PLSCR1: variants seen among roughly 807,000 people sequenced by gnomAD.
The protein encoded by PLSCR1 is PL scramblase 1.
A neutral mutation model predicts 37.8 loss-of-function variants in PLSCR1; 17 were observed. The observed-to-expected ratio is 0.45, with a 90% CI of 0.31 to 0.68. The LOEUF (loss-of-function observed/expected upper bound fraction) is 0.68. Among genes scored for constraint, PLSCR1 ranks in the 30% least tolerant of loss-of-function variants. The pLI, the probability that PLSCR1 is intolerant of heterozygous loss-of-function variation, is 0.06. For synonymous variants in PLSCR1, 116 were observed against 125.9 expected, an observed-to-expected ratio of 0.92 and a Z score of 0.53; for missense variants, 347 against 380.9, an observed-to-expected ratio of 0.91 and a Z score of 0.74.
chr3:146,525,606 T>A lies in PLSCR1; in HGVS notation c.354A>T (p.Glu118Asp). Residue 118 changes from glutamate to aspartate, a missense_variant and splice_region_variant, in exon 5 of 9, where the codon GAA (glutamate) becomes GAT (aspartate). Coordinates refer to ENST00000342435, the MANE Select transcript of PLSCR1 (RefSeq NM_021105.3). ...AGGATTAAAACAATGAATACATACC[T>A]TCCAGAAGTTCAATTTGCTGATGAA... ...ILIHQQIELL[E>D]VLTGFETNNK... 6.7e-7 allele frequency: 1 copy of A among 1,489,240 alleles called. No individual in the cohort carries two copies. The highest frequency in any genetic ancestry group is 9.3e-7 in the Non-Finnish European group (1 of 1,070,772). 92.3% of individuals were successfully genotyped at this position (1,489,240 alleles called of 1,614,324 possible).
At chr3:146,526,033 A>G (rs1403696434) in intron 4 of PLSCR1, among the ~76,000 whole-genome samples, 1 of 151,648 alleles carries the variant, frequency 6.6e-6, no homozygotes, top group Admixed American at 6.6e-5. Flanking sequence ...AATACAAAAA[A>G]TGAGCTGGGT....
intron 2 of PLSCR1, 103 bp downstream of exon 2, chr3:146,536,437 T>G: frequency 1.4e-6 from 1 of 702,062 alleles, no homozygotes; most frequent in Non-Finnish European, 2.6e-6. Context: ...AGAAAACAAA[T>G]TATACACTTT....
intron 7 of PLSCR1, among the ~76,000 whole-genome samples, 162 bp downstream of exon 7, chr3:146,521,382 G>A (rs1385504115): frequency 2.0e-5 from 3 of 152,068 alleles, no homozygotes; most frequent in African/African-American, 7.2e-5. Flanking sequence ...TTTAATCAGA[G>A]TGATAACTAC....
chr3:146,521,881 C>G lies in PLSCR1; in HGVS notation c.528G>C (p.Glu176Asp). The G allele has an allele frequency of 6.2e-7, 1 of 1,614,032 alleles. No homozygotes were observed. Among genetic ancestry groups the G allele is most frequent in the Non-Finnish European group, 8.5e-7 (1 of 1,179,916 alleles). Reference sequence around the variant, plus strand: ...AACAGCTGCTACATCTTAGTGGTCTCTCCAGAGTTATGACTTCTTGACCCA... The same window carrying G: ...AACAGCTGCTACATCTTAGTGGTCTGTCCAGAGTTATGACTTCTTGACCCA... ...DNMGQEVITL[E>D]RPLRCSSCCC... Residue 176 changes from glutamate to aspartate, a missense_variant, in exon 6 of 9, where the codon GAG (glutamate) becomes GAC (aspartate). Glu to Asp is a conservative substitution (Grantham distance 45). Coordinates refer to ENST00000342435, the MANE Select transcript of PLSCR1 (RefSeq NM_021105.3).
Position 146,528,784 on chromosome 3 carries a change from G to A in PLSCR1, c.142C>T (p.Pro48Ser), listed in dbSNP as rs529731330. ...GYPGPQVSYPPPPAGHSGPGP... is the reference protein window; with the variant it reads ...GYPGPQVSYPSPPAGHSGPGP... ...GGACCTGAATGGCCGGCTGGTGGGG[G>A]TGGGTAGCTGACCTGGGGCCCAGGG... is the stretch of plus-strand genomic sequence containing the variant. The change falls in exon 4 of 9, where the codon CCC becomes TCC. Residue 48 changes from proline to serine, a missense_variant. Physicochemically the swap from Pro to Ser is moderately conservative, Grantham distance 74. Coordinates refer to ENST00000342435, the MANE Select transcript of PLSCR1 (RefSeq NM_021105.3). 2.2e-5 allele frequency: 36 copies of A among 1,614,034 alleles called. No homozygotes were observed. Among genetic ancestry groups the A allele is most frequent in the Non-Finnish European group, 2.7e-5 (32 of 1,180,012 alleles).
At chr3:146,544,327 C>T (rs897839798) in intron 1 of PLSCR1, 140 bp downstream of exon 1, 1 of 152,144 alleles carries the variant, frequency 6.6e-6, no homozygotes, top group South Asian at 2.1e-4. Context: ...CCCAGAGCAG[C>T]AAACACAACC....
chr3:146,524,131 A>G (rs2044072035), intron 5 of PLSCR1, among the ~76,000 whole-genome samples: 1 of 152,206 alleles, frequency 6.6e-6, no homozygotes, highest in African/African-American at 2.4e-5. Context: ...ATGAGAAAAA[A>G]GTTAAGCTGA....
intron 7 of PLSCR1, among the ~76,000 whole-genome samples, chr3:146,518,184 G>A (rs1481243205): frequency 6.6e-6 from 1 of 152,144 alleles, no homozygotes; most frequent in Non-Finnish European, 1.5e-5. Flanking sequence ...TTTGAACAAC[G>A]GGTGTTAGCA....
At chr3:146,521,514 A>C in intron 7 of PLSCR1, 30 bp downstream of exon 7, 1 of 1,588,418 alleles carries the variant, frequency 6.3e-7, no homozygotes. Context: ...TTAGGAAAGC[A>C]AATCTTATAA....
intron 2 of PLSCR1, among the ~76,000 whole-genome samples, chr3:146,534,664 C>T (rs1471186826): frequency 6.6e-6 from 1 of 151,902 alleles, no homozygotes; most frequent in Non-Finnish European, 1.5e-5. Context: ...AACCGCTCTC[C>T]TACTCGTTCA....
intron 1 of PLSCR1, among the ~76,000 whole-genome samples, chr3:146,544,259 G>A (rs1576803021): frequency 6.6e-6 from 1 of 152,202 alleles, no homozygotes; most frequent in East Asian, 1.9e-4. Flanking sequence ...CACTTCCAGG[G>A]TCCCTTTCAG....
At chr3:146,538,532 T>TCC (rs1426161983) in intron 1 of PLSCR1, among the ~76,000 whole-genome samples, 1 of 152,130 alleles carries the variant, frequency 6.6e-6, no homozygotes, top group Admixed American at 6.5e-5. Context: ...GATACCTCTC[T>TCC]ATAACATGCT....
chr3:146,528,628 C>T lies in PLSCR1; in HGVS notation c.298G>A (p.Glu100Lys). Residue 100 changes from glutamate to lysine, a missense_variant, in exon 4 of 9, where the codon GAA becomes AAA. Physicochemically the swap from Glu to Lys is moderately conservative, Grantham distance 56. Transcript: ENST00000342435. ...TTTGAAATTACCTGACTTAAATATTCTAATCCAGGTGGACAGTTTAATGGA... is the reference window on the plus strand; with the variant it reads ...TTTGAAATTACCTGACTTAAATATTTTAATCCAGGTGGACAGTTTAATGGA... ...QPPLNCPPGL[E>K]YLSQIDQILI... 6.2e-7 allele frequency: 1 copy of T among 1,612,320 alleles called. No individual in the cohort carries two copies. The highest frequency in any genetic ancestry group is 8.5e-7 in the Non-Finnish European group (1 of 1,178,326).
At chr3:146,538,279 T>A (rs2609866) in intron 1 of PLSCR1, among the ~76,000 whole-genome samples, 41,277 of 152,118 alleles carry the variant, frequency 0.27, 5,821 homozygotes, top group African/African-American at 0.32. Context: ...TTAGATTCCA[T>A]CATATGAAGA....
chr3:146,525,409 G>A (rs1681206476), intron 5 of PLSCR1, 196 bp downstream of exon 5: 1 of 512,506 alleles, frequency 2.0e-6, no homozygotes. Flanking sequence ...CCCGAGGGCA[G>A]GTGCCCAACA....
At chr3:146,544,344 C>A in intron 1 of PLSCR1, 123 bp downstream of exon 1, 1 of 152,708 alleles carries the variant, frequency 6.5e-6, no homozygotes, top group Non-Finnish European at 1.5e-5. Flanking sequence ...AACCTGCGGG[C>A]CCTCGCGCCG....
chr3:146,518,955 G>A (rs2043982787), intron 7 of PLSCR1, among the ~76,000 whole-genome samples: 1 of 152,064 alleles, frequency 6.6e-6, no homozygotes, highest in Non-Finnish European at 1.5e-5. Flanking sequence ...ATCTCACAAT[G>A]CAAATATAAA....
intron 3 of PLSCR1, among the ~76,000 whole-genome samples, chr3:146,529,214 T>G (rs1002497281): frequency 1.8e-4 from 28 of 152,278 alleles, no homozygotes; most frequent in African/African-American, 6.5e-4. Context: ...AGTCAGCATT[T>G]CTAGGGCCAA....
intron 3 of PLSCR1, among the ~76,000 whole-genome samples, chr3:146,530,524 T>C (rs932269034): frequency 2.6e-5 from 4 of 152,128 alleles, no homozygotes; most frequent in African/African-American, 9.7e-5. Flanking sequence ...GGAGAGAATG[T>C]ATGCGAGCGA....
Sources: gnomAD v4.1 joint callset for allele counts (sites outside exome capture counted in the v4.1 genomes callset) on GRCh38, gnomAD v4.1.1 for gene constraint, MANE v1.5 for transcripts, NCBI Gene and HGNC (gene_info 2026-07-23, HGNC 2026-07-21) for gene names.